The following CELSR1 variants were observed in gnomAD, a reference collection of about 807,000 sequenced individuals.
The protein encoded by CELSR1 is adhesion G protein-coupled receptor C1.
A neutral mutation model predicts 249.1 loss-of-function variants in CELSR1; 110 were observed. The observed-to-expected ratio is 0.44, with a 90% confidence interval of 0.38 to 0.52. CELSR1 has a LOEUF of 0.52. Among genes scored for constraint, CELSR1 ranks in the 20% least tolerant of loss-of-function variants. CELSR1 has a pLI of 0.00. For missense variants in CELSR1, 4,109 were observed against 4,296.4 expected (o/e 0.96, Z 1.22); for synonymous variants, 2,113 against 1,900.0 (o/e 1.11, Z -2.92).
At chr22:46,504,904 A>G (rs1351097182) in intron 1 of CELSR1, among the ~76,000 whole-genome samples, 1 of 152,222 alleles carries the variant, frequency 6.6e-6, no homozygotes, top group Non-Finnish European at 1.5e-5. Flanking sequence ...AAACAAATAT[A>G]AAAAAGAGTG....
rs201139030 is a variant in CELSR1, at chr22:46,534,298, C to T, written c.2873G>A (p.Arg958Gln). The change falls in exon 1 of 35, where the codon CGG becomes CAG. Residue 958 changes from arginine (R) to glutamine (Q), a missense_variant. Physicochemically the swap from Arg to Gln is conservative, Grantham distance 43. Around this residue, in one of 7 missense-constraint regions of CELSR1, gnomAD observed 886 missense variants for 896.5 expected, o/e 0.99. Transcript: ENST00000674500. This position sits in a 1 kb window ranked among gnomAD's most constrained non-coding sequence, Gnocchi z 9.7. ...GVIRTQRRLDRENVAVYNLWA... is the reference protein window; with the variant it reads ...GVIRTQRRLDQENVAVYNLWA... ...AAGGTTGTACACGGCCACATTCTCC[C>T]GGTCCAGCCGGCGCTGGGTGCGAAT... The T allele has an allele frequency of 4.3e-6, 7 of 1,613,140 alleles. No individual in the cohort carries two copies. Among genetic ancestry groups the T allele is most frequent in the Admixed American group, 1.7e-5 (1 of 60,030 alleles).
intron 1 of CELSR1, among the ~76,000 whole-genome samples, chr22:46,474,347 T>C (rs1298790931): frequency 6.6e-6 from 1 of 152,064 alleles, no homozygotes; most frequent in Non-Finnish European, 1.5e-5. Flanking sequence ...CCACACTCTG[T>C]AACCCCACCA....
In CELSR1 at chr22:46,439,414, G is replaced by T. The variant is rs2079713740; in HGVS notation, c.4184-3C>A. Reference sequence around the variant, plus strand: ...GGCATCCACCTCACAGTGCTCTCCTGGGGGGCGAGAGGAAGATGCCAGAGA... The same window carrying T: ...GGCATCCACCTCACAGTGCTCTCCTTGGGGGCGAGAGGAAGATGCCAGAGA... On this transcript the variant is annotated splice_polypyrimidine_tract_variant and splice_region_variant and intron_variant, in intron 2 of 34. Transcript: ENST00000674500. 2.5e-6 allele frequency: 4 copies of T among 1,609,298 alleles called. No individual in the cohort carries two copies. Among genetic ancestry groups the T allele is most frequent in the Non-Finnish European group, 3.4e-6 (4 of 1,178,466 alleles).
At chr22:46,366,707 G>A (rs116625238) in intron 29 of CELSR1, among the ~76,000 whole-genome samples, 1,698 of 152,258 alleles carry the variant, frequency 0.011, 28 homozygotes, top group African/African-American at 0.038. Flanking sequence ...AGGGGCTGCC[G>A]CCCTCCCTAC....
chr22:46,393,015 A>T lies in CELSR1; in HGVS notation c.5964+1127T>A, dbSNP rs1166321959. ...CTGTTTAATTTGAGCCTTTCAGGAC[A>T]CAAGTCCCATTTGCTGTTGGAACCA... On this transcript the variant is annotated intron_variant, in intron 14 of 34. Coordinates refer to ENST00000674500, the MANE Select transcript of CELSR1 (RefSeq NM_001378328.1). This position sits in a 1 kb window ranked among gnomAD's most constrained non-coding sequence, Gnocchi z 4.1. 6.6e-6 allele frequency among the ~76,000 whole-genome samples: 1 copy of T among 152,202 alleles called. No homozygotes were observed. Among genetic ancestry groups the T allele is most frequent in the Non-Finnish European group, 1.5e-5 (1 of 68,040 alleles).
In CELSR1 at chr22:46,409,214, C is replaced by T. The variant is rs376769736; in HGVS notation, c.5060-52G>A. 7.9e-5 allele frequency: 125 copies of T among 1,591,036 alleles called. No homozygotes were observed. Among genetic ancestry groups the T allele is most frequent in the East Asian group, 7.4e-4 (33 of 44,302 alleles). ...GGTGTCTCCCGAAATCACACGGCCG[C>T]GGACTTGGCTGCAGGGGCGGGGGAT... On this transcript the variant is annotated intron_variant, in intron 8 of 34. Transcript: ENST00000674500. The surrounding 1 kb of genome is among the most constrained non-coding windows in gnomAD (Gnocchi z 9.8).
rs770672966 is a variant in CELSR1, at chr22:46,386,450, C to T, written c.6691G>A (p.Val2231Met). The T allele has an allele frequency of 1.5e-5, 24 of 1,601,408 alleles. No homozygotes were observed. In the African/African-American group the frequency reaches 2.1e-4, roughly 14 times the overall value. The stretch of plus-strand genomic sequence containing the variant: ...AAGGGCCGCAGGTACGTCCGCCGCA[C>T]GTTGCGTGCCACGTTGCTGAAGTAG... ...EGYFSNVARN[V>M]RRTYLRPFVI... Residue 2231 changes from valine (V) to methionine (M), a missense_variant, in exon 19 of 35, where the codon GTG (valine) becomes ATG (methionine). This residue lies in a region of CELSR1 where 1,805 missense variants were observed against 1,831.6 expected (regional missense o/e 0.99). Coordinates refer to ENST00000674500, the MANE Select transcript of CELSR1 (RefSeq NM_001378328.1).
At chr22:46,532,328 T>C (rs1358812424) in intron 1 of CELSR1, among the ~76,000 whole-genome samples, 2 of 152,222 alleles carry the variant, frequency 1.3e-5, no homozygotes, top group Non-Finnish European at 2.9e-5. Flanking sequence ...TATTCCATAT[T>C]CTCTACACGT....
chr22:46,534,352 T>C lies in CELSR1; in HGVS notation c.2819A>G (p.Asp940Gly). Reference sequence around the variant, plus strand: ...ACCGGACGTGGGCTCGATGTAGAAGTCCCCATCGCCGTCGTCCCCACCCTG... The same window carrying C: ...ACCGGACGTGGGCTCGATGTAGAAGCCCCCATCGCCGTCGTCCCCACCCTG... ...TFQGGDDGDG[D>G]FYIEPTSGVI... Residue 940 changes from aspartate to glycine, a missense_variant, in exon 1 of 35, where the codon GAC (aspartate) becomes GGC (glycine). This residue lies in a region of CELSR1 where 886 missense variants were observed against 896.5 expected (regional missense o/e 0.99). Transcript: ENST00000674500. The surrounding 1 kb of genome is among the most constrained non-coding windows in gnomAD (Gnocchi z 9.7). The C allele has an allele frequency of 6.2e-7, 1 of 1,612,896 alleles. No homozygotes were observed. The highest frequency in any genetic ancestry group is 8.5e-7 in the Non-Finnish European group (1 of 1,180,026).
intron 2 of CELSR1, among the ~76,000 whole-genome samples, chr22:46,444,254 G>A (rs2079791075): frequency 6.6e-6 from 1 of 152,252 alleles, no homozygotes; most frequent in Non-Finnish European, 1.5e-5. Context: ...CCCAGGAAAA[G>A]GTGGCCAGCC....
chr22:46,510,410 G>A (rs2080561252), intron 1 of CELSR1, among the ~76,000 whole-genome samples: 1 of 152,082 alleles, frequency 6.6e-6, no homozygotes, highest in Non-Finnish European at 1.5e-5. Flanking sequence ...ATTAAAGTGA[G>A]CCAGACACAC....
chr22:46,421,587 C>T (rs1171200831), intron 5 of CELSR1, among the ~76,000 whole-genome samples: 1 of 152,240 alleles, frequency 6.6e-6, no homozygotes, highest in African/African-American at 2.4e-5. Context: ...ATCGGGGCAG[C>T]CCCCACCTGC....
Position 46,367,212 on chromosome 22 carries a change from G to A in CELSR1, c.8080-94C>T, listed in dbSNP as rs61115932. On this transcript the variant is annotated intron_variant, in intron 28 of 34. Coordinates refer to ENST00000674500, the MANE Select transcript of CELSR1 (RefSeq NM_001378328.1). ...CACAGATGCGCATACAGCCTTGAGT[G>A]CACACAACATGTCCGGCCACACGGC... 0.013 allele frequency: 18,900 copies of A among 1,470,146 alleles called. 1,701 individuals are homozygous for A. The African/African-American group carries it at 0.21, about 17-fold the overall frequency. 91.1% of individuals were successfully genotyped at this position (1,470,146 alleles called of 1,614,324 possible).
chr22:46,481,090 T>C (rs370858221), intron 1 of CELSR1, among the ~76,000 whole-genome samples: 65 of 152,068 alleles, frequency 4.3e-4, no homozygotes, highest in African/African-American at 1.5e-3. Context: ...CAAAAATTAC[T>C]TGGGCATGGT....
chr22:46,388,785 G>A (rs892176819), intron 18 of CELSR1, among the ~76,000 whole-genome samples: 3 of 152,112 alleles, frequency 2.0e-5, no homozygotes, highest in African/African-American at 7.2e-5. Flanking sequence ...CACACACACA[G>A]CCAGAGGGTT....
chr22:46,404,126 A>G (rs1226846655), intron 9 of CELSR1, among the ~76,000 whole-genome samples: 1 of 151,950 alleles, frequency 6.6e-6, no homozygotes, highest in Non-Finnish European at 1.5e-5. Context: ...AAAATGCTAC[A>G]TGAGGCTGGG....
At chr22:46,389,577 C>G in intron 17 of CELSR1, 78 bp from the exon 18 acceptor site, 1 of 1,406,522 alleles carries the variant, frequency 7.1e-7, no homozygotes, top group Non-Finnish European at 9.9e-7. Flanking sequence ...CAGCAACTCA[C>G]TACTGTCTGG....
At chr22:46,461,546 G>A (rs2080027337) in intron 2 of CELSR1, among the ~76,000 whole-genome samples, 2 of 152,306 alleles carry the variant, frequency 1.3e-5, no homozygotes, top group East Asian at 1.9e-4. Flanking sequence ...CACGTTAGAC[G>A]TTACCCTAGG....
chr22:46,394,227 T>C lies in CELSR1; in HGVS notation c.5879A>G (p.Asn1960Ser). The C allele has an allele frequency of 6.2e-7, 1 of 1,610,960 alleles. No homozygotes were observed. The highest frequency in any genetic ancestry group is 8.5e-7 in the Non-Finnish European group (1 of 1,178,932). Residue 1960 changes from asparagine (N) to serine (S), a missense_variant, in exon 14 of 35, where the codon AAC (asparagine) becomes AGC (serine). Transcript: ENST00000674500. ...ACAGTGGCAGGGTCCACAGACGGGG[T>C]TCCCCCACCAGCCTCTGGGGCACGG... ...DLPCPRGWWGNPVCGPCHCAV... is the reference protein window; with the variant it reads ...DLPCPRGWWGSPVCGPCHCAV...
Sources: gnomAD v4.1 joint callset for allele counts (sites outside exome capture counted in the v4.1 genomes callset) on GRCh38, gnomAD v4.1.1 for gene constraint, gnomAD v4.1.1 regional missense constraint, Gnocchi (gnomAD v3.1) non-coding constraint, MANE v1.5 for transcripts, NCBI Gene and HGNC (gene_info 2026-07-23, HGNC 2026-07-21) for gene names.